The following SNX29 variants were observed in gnomAD, a reference collection of about 807,000 sequenced individuals.
The protein encoded by SNX29 is sorting nexin 29.
In SNX29, 78 loss-of-function variants were observed where a neutral mutation model predicts 102.1. That is an observed-to-expected ratio of 0.76 (90% CI 0.64 to 0.92). SNX29 has a LOEUF of 0.92. Among genes scored for constraint, SNX29 ranks in the 40% least tolerant of loss-of-function variants. The pLI is 0.00. For missense variants in SNX29, 1,280 were observed against 1,061.7 expected, an observed-to-expected ratio of 1.21 and a Z score of -2.86; for synonymous variants, 580 against 414.5, an observed-to-expected ratio of 1.40 and a Z score of -4.85.
chr16:12,155,104 C>G (rs1434162869), intron 13 of SNX29, among the ~76,000 whole-genome samples: 5 of 152,266 alleles, frequency 3.3e-5, no homozygotes, highest in Admixed American at 6.5e-5. Context: ...ATGCCTTGTT[C>G]TGGACTTCTT....
rs9924866 is a variant in SNX29, at chr16:12,466,567, G to A, written c.2038-11152G>A. On this transcript the variant is annotated intron_variant, in intron 18 of 20. Coordinates refer to ENST00000566228, the MANE Select transcript of SNX29 (RefSeq NM_032167.5). The stretch of plus-strand genomic sequence containing the variant: ...CAGAGTCGCGGCCTGTCTTCAGAGC[G>A]TCTTTGAAAGGGGCCTTCATGCCTT... Among the ~76,000 whole-genome samples, 488 of 152,274 alleles carry A rather than the reference G, an allele frequency of 3.2e-3. 6 individuals carry two copies. The highest frequency in any genetic ancestry group is 0.011 in the African/African-American group (451 of 41,544).
intron 20 of SNX29, among the ~76,000 whole-genome samples, chr16:12,550,597 G>A (rs759823914): frequency 6.6e-6 from 1 of 151,174 alleles, no homozygotes; most frequent in Non-Finnish European, 1.5e-5. Flanking sequence ...ATACATACGT[G>A]CTTCTATGTG....
rs140792123 is a variant in SNX29, at chr16:12,017,235, A to G, written c.123-10085A>G. ...CCTATTTCCCCATGCTCTTGCTAGC[A>G]CTATGATTGCTTTTGAAGTCCTTAG... On this transcript the variant is annotated intron_variant, in intron 3 of 20. Coordinates refer to ENST00000566228, the MANE Select transcript of SNX29 (RefSeq NM_032167.5). Among the ~76,000 whole-genome samples, 631 of 152,350 alleles carry G rather than the reference A, an allele frequency of 4.1e-3. 7 individuals are homozygous for G. The highest frequency in any genetic ancestry group is 0.014 in the African/African-American group (589 of 41,582).
At chr16:12,214,623 A>C (rs1451339175) in intron 14 of SNX29, among the ~76,000 whole-genome samples, 2 of 151,854 alleles carry the variant, frequency 1.3e-5, no homozygotes, top group African/African-American at 2.4e-5. Context: ...GCACAGAGAG[A>C]GAGCCTCTCT....
chr16:12,559,482 G>C (rs1388613144), intron 20 of SNX29, among the ~76,000 whole-genome samples: 1 of 151,710 alleles, frequency 6.6e-6, no homozygotes, highest in African/African-American at 2.4e-5. Context: ...TTTTTTCCAT[G>C]TAGTAATAAT....
At chr16:12,019,808 T>G (rs1012084165) in intron 3 of SNX29, among the ~76,000 whole-genome samples, 2 of 151,874 alleles carry the variant, frequency 1.3e-5, no homozygotes, top group Non-Finnish European at 2.9e-5. Context: ...GACTTTTTTT[T>G]GTATTTTTAG....
intron 20 of SNX29, among the ~76,000 whole-genome samples, chr16:12,539,326 T>C (rs1597823218): frequency 6.6e-6 from 1 of 152,078 alleles, no homozygotes; most frequent in African/African-American, 2.4e-5. Flanking sequence ...AGTTTTGTCT[T>C]TTCAAGAATG....
chr16:12,527,155 C>T (rs895893105), intron 20 of SNX29: 2 of 519,818 alleles, frequency 3.8e-6, no homozygotes, highest in Admixed American at 2.3e-5. Context: ...CCTTCTCCTT[C>T]TTCCTTTTTG....
chr16:12,056,939 A>T (rs1186684747), intron 8 of SNX29, among the ~76,000 whole-genome samples: 1 of 143,686 alleles, frequency 7.0e-6, no homozygotes, highest in Non-Finnish European at 1.6e-5. Context: ...TCCCTGCCTC[A>T]GCCTCCTGAG....
At chr16:12,203,372 T>C (rs1430821274) in intron 14 of SNX29, among the ~76,000 whole-genome samples, 3 of 151,818 alleles carry the variant, frequency 2.0e-5, no homozygotes, top group African/African-American at 7.3e-5. Flanking sequence ...GCATTGGAGG[T>C]GACAACTCTG....
rs2054211780 is a variant in SNX29 at position 12,126,302 on chromosome 16, G to A, written c.1403-331G>A. 2.6e-5 allele frequency among the ~76,000 whole-genome samples: 4 copies of A among 152,174 alleles called. No individual in the cohort carries two copies. The South Asian group carries it at 8.3e-4, about 32-fold the overall frequency. On this transcript the variant is annotated intron_variant, in intron 11 of 20. Transcript: ENST00000566228. ...TTCCTAAGCATCTCACTTACATATT[G>A]TCTTACTGAATTCTTACAACACTTC... is the stretch of plus-strand genomic sequence containing the variant.
intron 13 of SNX29, among the ~76,000 whole-genome samples, chr16:12,163,224 C>A (rs1170705669): frequency 3.7e-4 from 56 of 152,124 alleles, no homozygotes; most frequent in Admixed American, 3.7e-3. Context: ...CTTTGCGGAG[C>A]CCCCAGGGTG....
chr16:12,306,380 G>A (rs977577118), intron 15 of SNX29, among the ~76,000 whole-genome samples: 1 of 151,830 alleles, frequency 6.6e-6, no homozygotes, highest in Non-Finnish European at 1.5e-5. Context: ...TAGACGGTGA[G>A]TCAGGTTGTT....
At chr16:12,558,512 T>C (rs925407687) in intron 20 of SNX29, among the ~76,000 whole-genome samples, 6 of 152,272 alleles carry the variant, frequency 3.9e-5, no homozygotes, top group African/African-American at 1.4e-4. Flanking sequence ...TAATGAGCAC[T>C]GTTTACCCCA....
intron 20 of SNX29, chr16:12,557,520 C>A (rs1255921187): frequency 6.6e-6 from 1 of 152,064 alleles, no homozygotes; most frequent in Non-Finnish European, 1.5e-5. Context: ...CACCACCTCT[C>A]CCAACTAATT....
chr16:12,051,813 T>G (rs775305819), intron 7 of SNX29, 34 bp from the exon 8 acceptor site: 4 of 1,596,376 alleles, frequency 2.5e-6, no homozygotes, highest in Non-Finnish European at 3.4e-6. Flanking sequence ...GCCTCCTTTT[T>G]CTTATACTGT....
chr16:12,543,894 C>T lies in SNX29; in HGVS notation c.2318+19053C>T, dbSNP rs142545963. Among the ~76,000 whole-genome samples, 708 of 152,296 alleles carry T rather than the reference C, an allele frequency of 4.6e-3. 4 individuals carry two copies. Among genetic ancestry groups the T allele is most frequent in the African/African-American group, 0.016 (667 of 41,554 alleles). On this transcript the variant is annotated intron_variant, in intron 20 of 20. Coordinates refer to ENST00000566228, the MANE Select transcript of SNX29 (RefSeq NM_032167.5). ...ACCACACTACAAGAGCTTGCGTATT[C>T]CTTCATCCTGGATTGCCGAAGGTGG...
intron 15 of SNX29, among the ~76,000 whole-genome samples, chr16:12,323,620 A>G (rs532322150): frequency 2.0e-3 from 307 of 152,270 alleles, no homozygotes; most frequent in Non-Finnish European, 3.1e-3. Flanking sequence ...TTTGTCTGGC[A>G]TCCAGCATTG....
intron 14 of SNX29, among the ~76,000 whole-genome samples, chr16:12,271,201 G>A (rs1383055052): frequency 6.6e-6 from 1 of 152,268 alleles, no homozygotes; most frequent in African/African-American, 2.4e-5. Flanking sequence ...CAGCCTGGGT[G>A]TGGCTTAGCC....
Sources: allele counts gnomAD v4.1 joint callset (sites outside exome capture counted in the v4.1 genomes callset), GRCh38; gene constraint gnomAD v4.1.1; transcripts MANE v1.5; gene names NCBI Gene and HGNC (gene_info 2026-07-23, HGNC 2026-07-21).